The following SCHIP1 variants were observed in gnomAD, a reference collection of about 807,000 sequenced individuals.
SCHIP1 encodes the protein schwannomin interacting protein 1.
In SCHIP1, 8 loss-of-function variants were observed where a neutral mutation model predicts 29.7. That is an observed-to-expected ratio of 0.27 (90% CI 0.16 to 0.49). The LOEUF (loss-of-function observed/expected upper bound fraction) is 0.49. Among genes scored for constraint, SCHIP1 ranks in the 20% least tolerant of loss-of-function variants. SCHIP1 has a pLI of 0.99. For synonymous variants in SCHIP1, 76 were observed against 94.9 expected, an observed-to-expected ratio of 0.80 and a Z score of 1.16; for missense variants, 193 against 294.6, an observed-to-expected ratio of 0.66 and a Z score of 2.52.
At chr3:159,764,362 T>C in the SCHIP1 span, 1 of 1,485,158 alleles carries the variant, frequency 6.7e-7, no homozygotes. The surrounding 1 kb of genome is among the most constrained non-coding windows in gnomAD (Gnocchi z 6.1). Flanking sequence ...TGCGGGGCAC[T>C]GAGCCGGGGC....
chr3:159,303,652 T>C, the SCHIP1 span, among the ~76,000 whole-genome samples: 7 of 152,020 alleles, frequency 4.6e-5, no homozygotes, highest in African/African-American at 9.7e-5. Context: ...TGTGAAGGTT[T>C]ACAAGCTCCT....
chr3:159,573,365 C>G, the SCHIP1 span, among the ~76,000 whole-genome samples: 41,493 of 152,050 alleles, frequency 0.27, 9,172 homozygotes, highest in African/African-American at 0.6. Context: ...TTCTCCTTCA[C>G]TTATGAAGCT....
the SCHIP1 span, among the ~76,000 whole-genome samples, chr3:159,371,337 C>A: frequency 6.6e-6 from 1 of 152,040 alleles, no homozygotes; most frequent in African/African-American, 2.4e-5. Context: ...AACAACCGGG[C>A]AAGTTTAATA....
the SCHIP1 span, among the ~76,000 whole-genome samples, chr3:159,783,155 A>AT: frequency 6.6e-6 from 1 of 152,120 alleles, no homozygotes; most frequent in African/African-American, 2.4e-5. Flanking sequence ...CCTAGCTAGG[A>AT]TTTTTTCCCA....
At chr3:159,518,134 C>T in the SCHIP1 span, among the ~76,000 whole-genome samples, 1 of 152,020 alleles carries the variant, frequency 6.6e-6, no homozygotes, top group East Asian at 1.9e-4. Flanking sequence ...AAATAAGTTG[C>T]AGACGGATAT....
chr3:159,876,933 A>G (rs979745724), intron 2 of SCHIP1, among the ~76,000 whole-genome samples: 10 of 152,340 alleles, frequency 6.6e-5, no homozygotes, highest in African/African-American at 2.2e-4. Context: ...TTCTTGTCAG[A>G]AGGCATGAGT....
chr3:159,359,138 GGAT>G, the SCHIP1 span, among the ~76,000 whole-genome samples: 1 of 151,854 alleles, frequency 6.6e-6, no homozygotes, highest in South Asian at 2.1e-4. Flanking sequence ...ATGTTGGCCA[GGAT>G]GATCTCGATC....
At chr3:159,658,352 C>A in the SCHIP1 span, among the ~76,000 whole-genome samples, 1 of 152,098 alleles carries the variant, frequency 6.6e-6, no homozygotes, top group South Asian at 2.1e-4. Flanking sequence ...GGAACAGTGG[C>A]AGATATTTAA....
At chr3:159,841,502 A>G (rs1451528414) in intron 1 of SCHIP1, among the ~76,000 whole-genome samples, 2 of 152,148 alleles carry the variant, frequency 1.3e-5, no homozygotes, top group Non-Finnish European at 2.9e-5. Context: ...AGAGAGCCTA[A>G]TCTACACATG....
chr3:159,473,016 T>C, the SCHIP1 span, among the ~76,000 whole-genome samples: 1 of 152,194 alleles, frequency 6.6e-6, no homozygotes, highest in Non-Finnish European at 1.5e-5. Context: ...TTATTTTGCA[T>C]TATATAGAAA....
the SCHIP1 span, among the ~76,000 whole-genome samples, chr3:159,697,943 T>C: frequency 2.6e-5 from 4 of 152,240 alleles, no homozygotes; most frequent in African/African-American, 9.6e-5. Context: ...TGCATAATAA[T>C]TAGCAAGAGA....
the SCHIP1 span, among the ~76,000 whole-genome samples, chr3:159,534,236 T>C: frequency 8.5e-5 from 13 of 152,198 alleles, no homozygotes; most frequent in Admixed American, 8.5e-4. Flanking sequence ...ACTTCTACTT[T>C]TTACCCTTTT....
chr3:159,372,989 G>A, the SCHIP1 span, among the ~76,000 whole-genome samples: 1 of 151,740 alleles, frequency 6.6e-6, no homozygotes, highest in South Asian at 2.1e-4. Context: ...TGTCAATAGA[G>A]CACAAAAATA....
chr3:159,448,115 C>T, the SCHIP1 span, among the ~76,000 whole-genome samples: 2 of 152,300 alleles, frequency 1.3e-5, no homozygotes, highest in East Asian at 3.9e-4. Context: ...TAATCTCTTC[C>T]TTGACCACCT....
At chr3:159,806,606 G>A in the SCHIP1 span, among the ~76,000 whole-genome samples, 2 of 152,242 alleles carry the variant, frequency 1.3e-5, no homozygotes, top group African/African-American at 4.8e-5. Flanking sequence ...GGACAGAGAG[G>A]ATTTCTCAAT....
the SCHIP1 span, among the ~76,000 whole-genome samples, chr3:159,598,476 A>G: frequency 6.6e-6 from 1 of 152,186 alleles, no homozygotes; most frequent in Non-Finnish European, 1.5e-5. Flanking sequence ...CATATCCACA[A>G]TCCAGTGGGA....
chr3:159,778,495 C>G, the SCHIP1 span, among the ~76,000 whole-genome samples: 2 of 152,076 alleles, frequency 1.3e-5, no homozygotes, highest in African/African-American at 4.8e-5. Context: ...ATACTATCAC[C>G]TAACCTACAA....
At chr3:159,490,939 A>G in the SCHIP1 span, among the ~76,000 whole-genome samples, 1 of 152,232 alleles carries the variant, frequency 6.6e-6, no homozygotes, top group African/African-American at 2.4e-5. Flanking sequence ...ACCAAGTAAG[A>G]TCCTGGCTTG....
At chr3:159,393,017 A>T in the SCHIP1 span, among the ~76,000 whole-genome samples, 1 of 152,198 alleles carries the variant, frequency 6.6e-6, no homozygotes, top group Non-Finnish European at 1.5e-5. Context: ...AACTGGTGTG[A>T]GATGGTATCT....
Sources: gnomAD v4.1 joint callset for allele counts (sites outside exome capture counted in the v4.1 genomes callset) on GRCh38, gnomAD v4.1.1 for gene constraint, Gnocchi (gnomAD v3.1) non-coding constraint, MANE v1.5 for transcripts, NCBI Gene and HGNC (gene_info 2026-07-23, HGNC 2026-07-21) for gene names.